COL16A1: variants seen among roughly 807,000 people sequenced by gnomAD.
COL16A1 encodes the protein collagen type XVI alpha 1 chain.
In COL16A1, 189 loss-of-function variants were observed where a neutral mutation model predicts 266.3. The ratio of observed to expected loss-of-function variants is 0.71; its 90% CI spans 0.63 to 0.80. COL16A1 has a LOEUF of 0.80. COL16A1 is among the 30% of genes least tolerant of loss of function. The pLI, the probability that COL16A1 is intolerant of heterozygous loss-of-function variation, is 0.00. For missense variants in COL16A1, 1,928 were observed against 2,122.4 expected, an observed-to-expected ratio of 0.91 and a Z score of 1.80; for synonymous variants, 740 against 782.3, an observed-to-expected ratio of 0.95 and a Z score of 0.90.
rs1642356577 is a variant in COL16A1, at chr1:31,668,609, G to A, written c.3249+193C>T. ...CTTCTGGCAGGGAGTCAGGGCACATGGAGATCGGCCTCCTTTGCTCCTGGG... is the reference window on the plus strand; with the variant it reads ...CTTCTGGCAGGGAGTCAGGGCACATAGAGATCGGCCTCCTTTGCTCCTGGG... On this transcript the variant is annotated intron_variant, in intron 50 of 70. Coordinates refer to ENST00000373672, the MANE Select transcript of COL16A1 (RefSeq NM_001856.4). This position sits in a 1 kb window ranked among gnomAD's most constrained non-coding sequence, Gnocchi z 5.8. 6.6e-6 allele frequency among the ~76,000 whole-genome samples: 1 copy of A among 152,134 alleles called. No homozygotes were observed. Among genetic ancestry groups the A allele is most frequent in the East Asian group, 1.9e-4 (1 of 5,182 alleles).
At chr1:31,655,147 G>T (rs1641007916) in intron 67 of COL16A1, among the ~76,000 whole-genome samples, 167 bp downstream of exon 67, 1 of 151,958 alleles carries the variant, frequency 6.6e-6, no homozygotes, top group Admixed American at 6.5e-5. Flanking sequence ...TTTCTGGGGA[G>T]AGGGTCCTAT....
At position 31,688,936 on chromosome 1, in the gene COL16A1, C is replaced by A. The variant is rs746236347; in HGVS notation, c.1692G>T (p.Gly564=). 2.5e-6 allele frequency: 4 copies of A among 1,614,148 alleles called. No individual in the cohort carries two copies. Among genetic ancestry groups the A allele is most frequent in the Non-Finnish European group, 3.4e-6 (4 of 1,180,020 alleles). ...EPCLSCSSVV[G]AQHLVSSTGA... ...CTGTGGAGGACACAAGATGCTGGGC[C>A]CCTACAACCGAGCTGCAGGACAAGC... The change falls in exon 25 of 71, where the codon GGG becomes GGT. Residue 564 remains glycine (G), a synonymous_variant. Coordinates refer to ENST00000373672, the MANE Select transcript of COL16A1 (RefSeq NM_001856.4). The surrounding 1 kb of genome is among the most constrained non-coding windows in gnomAD (Gnocchi z 4.9).
At chr1:31,674,186 G>T (rs1398380716) in intron 44 of COL16A1, among the ~76,000 whole-genome samples, 2 of 152,180 alleles carry the variant, frequency 1.3e-5, no homozygotes, top group Non-Finnish European at 2.9e-5. Flanking sequence ...GTCATGGGAT[G>T]TCCAGGGCAC....
At chr1:31,691,761 C>T in intron 17 of COL16A1, 119 bp from the exon 18 acceptor site, 1 of 1,333,230 alleles carries the variant, frequency 7.5e-7, no homozygotes, top group Non-Finnish European at 1.0e-6. Context: ...CCAGAGCCCA[C>T]CCTGGTGCCC....
intron 1 of COL16A1, 54 bp from the exon 2 acceptor site, chr1:31,702,281 C>T: frequency 6.3e-7 from 1 of 1,581,996 alleles, no homozygotes; most frequent in South Asian, 1.1e-5. Context: ...CAGCACAACT[C>T]CACACGTGGG....
chr1:31,672,912 A>C, intron 44 of COL16A1, 72 bp from the exon 45 acceptor site: 2 of 1,432,002 alleles, frequency 1.4e-6, no homozygotes, highest in Middle Eastern at 3.8e-4. Flanking sequence ...GGGGAGCCCC[A>C]GTGAGAACCC....
chr1:31,683,014 A>C lies in COL16A1; in HGVS notation c.2470-12T>G, dbSNP rs1239578940. ...ACCCCTGGAGATCCCTGTGTAAGAG[A>C]AGGTACAAAGGTCTCAGGGGCAGAA... On this transcript the variant is annotated splice_polypyrimidine_tract_variant and intron_variant, in intron 36 of 70. Transcript: ENST00000373672. 6.2e-7 allele frequency: 1 copy of C among 1,613,940 alleles called. No homozygotes were observed. The highest frequency in any genetic ancestry group is 8.5e-7 in the Non-Finnish European group (1 of 1,179,980).
chr1:31,668,421 G>A lies in COL16A1; in HGVS notation c.3250-203C>T, dbSNP rs753053308. Among the ~76,000 whole-genome samples the A allele has an allele frequency of 8.5e-5, 13 of 152,134 alleles. No homozygotes were observed. Among genetic ancestry groups the A allele is most frequent in the Admixed American group, 3.3e-4 (5 of 15,284 alleles). ...CACCACAGACCTGGGCTGGGGAGGC[G>A]AACCCCAGCCTGGCCCAGACCCTGA... is the stretch of plus-strand genomic sequence containing the variant. On this transcript the variant is annotated intron_variant, in intron 50 of 70. Transcript: ENST00000373672. This position sits in a 1 kb window ranked among gnomAD's most constrained non-coding sequence, Gnocchi z 5.8.
At chr1:31,678,676 A>G (rs1468937410) in intron 42 of COL16A1, among the ~76,000 whole-genome samples, 2 of 152,232 alleles carry the variant, frequency 1.3e-5, no homozygotes, top group African/African-American at 2.4e-5. Flanking sequence ...TAAATAATAT[A>G]TAATAGTCAT....
At chr1:31,669,500 C>A (rs1392981543) in intron 49 of COL16A1, among the ~76,000 whole-genome samples, 1 of 152,012 alleles carries the variant, frequency 6.6e-6, no homozygotes, top group African/African-American at 2.4e-5. Context: ...ATTAAGGGCA[C>A]CTTTCCTGCC....
chr1:31,690,571 G>A lies in COL16A1; in HGVS notation c.1440C>T (p.Gly480=). The A allele has an allele frequency of 6.2e-7, 1 of 1,613,562 alleles. No individual in the cohort carries two copies. Among genetic ancestry groups the A allele is most frequent in the Non-Finnish European group, 8.5e-7 (1 of 1,179,830 alleles). ...CTTCCTTTCCTGGGATCCCCGAGCTGCCCTGTGGTCAGAAGAAAGGATAAG... is the reference window on the plus strand; with the variant it reads ...CTTCCTTTCCTGGGATCCCCGAGCTACCCTGTGGTCAGAAGAAAGGATAAG... The part of the protein sequence containing the change: ...GGPPGPKGDK[G]SSGIPGKEGP... Residue 480 remains glycine (G), a splice_region_variant and synonymous_variant, in exon 21 of 71, where the codon GGC becomes GGT. Coordinates refer to ENST00000373672, the MANE Select transcript of COL16A1 (RefSeq NM_001856.4).
Position 31,657,230 on chromosome 1 carries a change from A to C in COL16A1, c.4021-162T>G. On this transcript the variant is annotated intron_variant, in intron 64 of 70. Transcript: ENST00000373672. The surrounding 1 kb of genome is among the most constrained non-coding windows in gnomAD (Gnocchi z 6.4). ...ATCTGGGCACAGGCCGTGGAAACTT[A>C]GACCCCCACCCCATACTCCAGCGTG... The C allele has an allele frequency of 2.5e-6, 2 of 799,178 alleles. No homozygotes were observed. Among genetic ancestry groups the C allele is most frequent in the East Asian group, 5.3e-5 (2 of 37,598 alleles). 49.5% of individuals were successfully genotyped at this position (799,178 alleles called of 1,614,324 possible).
chr1:31,674,644 C>G (rs1643023526), intron 44 of COL16A1, among the ~76,000 whole-genome samples: 1 of 152,260 alleles, frequency 6.6e-6, no homozygotes, highest in Non-Finnish European at 1.5e-5. Flanking sequence ...CCCCCCACCA[C>G]TGCACTTTCA....
At position 31,683,981 on chromosome 1, in the gene COL16A1, A is replaced by T. The variant is rs1557664149; in HGVS notation, c.2306T>A (p.Val769Asp). ...GKPGQPGLPGVQGPPGLKGVQ... is the reference protein window; with the variant it reads ...GKPGQPGLPGDQGPPGLKGVQ... ...GCCCTTCAGTCCTGGGGGCCCTTGA[A>T]CTCCTGGTAGACCGGGTTGGCCCTA... Residue 769 changes from valine (V) to aspartate (D), a missense_variant, in exon 33 of 71, where the codon GTT becomes GAT. By Grantham distance (152) the Val-to-Asp change is radical. This residue lies in a region of COL16A1 where 1,552 missense variants were observed against 1,637.2 expected (regional missense o/e 0.95). Coordinates refer to ENST00000373672, the MANE Select transcript of COL16A1 (RefSeq NM_001856.4). The T allele has an allele frequency of 8.1e-6, 13 of 1,614,014 alleles. No homozygotes were observed. The highest frequency in any genetic ancestry group is 1.1e-5 in the Non-Finnish European group (13 of 1,179,986).
intron 22 of COL16A1, chr1:31,690,094 A>T (rs1429320944): frequency 1.3e-5 from 8 of 623,580 alleles, no homozygotes; most frequent in Middle Eastern, 4.3e-4. Flanking sequence ...ACTGTGCCCC[A>T]CTGACAGACA....
intron 55 of COL16A1, 65 bp downstream of exon 55, chr1:31,665,518 G>A (rs1435542252): frequency 1.2e-6 from 2 of 1,613,420 alleles, no homozygotes; most frequent in Non-Finnish European, 1.7e-6. Context: ...GCCTGGCCTG[G>A]TCAGGCCTGC....
At position 31,657,499 on chromosome 1, in the gene COL16A1, G is replaced by T; in HGVS notation, c.4021-431C>A. The T allele has an allele frequency of 5.5e-6, 1 of 182,984 alleles. No homozygotes were observed. The allele number at this position is 182,984 out of a possible 1,614,324, so 11.3% of individuals were successfully genotyped here. A position where few individuals can be genotyped will look rare whatever the true frequency, so the allele number is the denominator to read the frequency against. On this transcript the variant is annotated intron_variant, in intron 64 of 70. Coordinates refer to ENST00000373672, the MANE Select transcript of COL16A1 (RefSeq NM_001856.4). The surrounding 1 kb of genome is among the most constrained non-coding windows in gnomAD (Gnocchi z 6.4). ...AGAGGACTCTGATTGCTAGGCAAGTGGGAGATTCATCCAGGGGCCATGGAG... is the reference window on the plus strand; with the variant it reads ...AGAGGACTCTGATTGCTAGGCAAGTTGGAGATTCATCCAGGGGCCATGGAG...
At position 31,656,983 on chromosome 1, in the gene COL16A1, A is replaced by G; in HGVS notation, c.4056+50T>C. On this transcript the variant is annotated intron_variant, in intron 65 of 70. Transcript: ENST00000373672. The surrounding 1 kb of genome is among the most constrained non-coding windows in gnomAD (Gnocchi z 4.2). The stretch of plus-strand genomic sequence containing the variant: ...AATGAAGAGGGGTCAGGGCAAGGCG[A>G]GGAGCAAGAAGCACCCCCAAGGAAA... 6.2e-7 allele frequency: 1 copy of G among 1,613,244 alleles called. No homozygotes were observed. The highest frequency in any genetic ancestry group is 1.1e-5 in the South Asian group (1 of 91,066).
rs772095111 is a variant in COL16A1, at chr1:31,686,270, C to T, written c.1813G>A (p.Gly605Arg). ...PGLKGEKGNF[G>R]EAGPAGSPGP... ...GGACTGCCAGCTGGCCCTGCCTCCC[C>T]GAAGTTACCCTGAGAGAAAGCACAG... Residue 605 changes from glycine to arginine, a missense_variant, in exon 27 of 71, where the codon GGG becomes AGG. Coordinates refer to ENST00000373672, the MANE Select transcript of COL16A1 (RefSeq NM_001856.4). The T allele has an allele frequency of 5.6e-6, 9 of 1,614,070 alleles. No homozygotes were observed. In the African/African-American group the frequency reaches 9.3e-5, roughly 17 times the overall value.
Sources: gnomAD v4.1 joint callset for allele counts (sites outside exome capture counted in the v4.1 genomes callset) on GRCh38, gnomAD v4.1.1 for gene constraint, gnomAD v4.1.1 regional missense constraint, Gnocchi (gnomAD v3.1) non-coding constraint, MANE v1.5 for transcripts, NCBI Gene and HGNC (gene_info 2026-07-23, HGNC 2026-07-21) for gene names.